CCSER1: variants seen among roughly 807,000 people sequenced by gnomAD.
CCSER1 encodes the protein coiled-coil serine rich protein 1.
In CCSER1, 41 loss-of-function variants were observed where a neutral mutation model predicts 82.0. That is an observed-to-expected ratio of 0.50 (90% CI 0.39 to 0.65). The LOEUF (loss-of-function observed/expected upper bound fraction) is 0.65, where lower values mean the gene tolerates loss of function less well. Ranked by LOEUF, CCSER1 falls within the 30% of genes least tolerant of loss-of-function variation. The pLI, the probability that CCSER1 is intolerant of heterozygous loss-of-function variation, is 0.00. For synonymous variants in CCSER1, 414 were observed against 383.9 expected, an observed-to-expected ratio of 1.08 and a Z score of -0.92; for missense variants, 1,119 against 1,064.2, an observed-to-expected ratio of 1.05 and a Z score of -0.72.
intron 8 of CCSER1, among the ~76,000 whole-genome samples, chr4:90,835,803 T>C (rs183745762): frequency 6.6e-6 from 1 of 152,360 alleles, no homozygotes; most frequent in Non-Finnish European, 1.5e-5. Context: ...TTTTATTCTA[T>C]GCAAGACATC....
At chr4:90,872,166 A>G (rs1355602983) in intron 8 of CCSER1, among the ~76,000 whole-genome samples, 3 of 151,610 alleles carry the variant, frequency 2.0e-5, no homozygotes, top group Admixed American at 2.0e-4. Context: ...ATTTGGATTC[A>G]ATGTTATTAA....
chr4:90,558,461 C>A (rs1187511843), intron 5 of CCSER1, among the ~76,000 whole-genome samples: 1 of 152,012 alleles, frequency 6.6e-6, no homozygotes. Flanking sequence ...GTCTCATCTG[C>A]TTGCTACCTA....
At chr4:91,182,397 A>G (rs987330969) in intron 10 of CCSER1, among the ~76,000 whole-genome samples, 2 of 152,190 alleles carry the variant, frequency 1.3e-5, no homozygotes, top group African/African-American at 4.8e-5. Flanking sequence ...TGGTTTCTGT[A>G]CGTGCTGTAC....
rs13137931 is a variant in CCSER1 at position 91,439,078 on chromosome 4, C to A, written c.2218-159494C>A. The stretch of plus-strand genomic sequence containing the variant: ...CTCTGCAGGATATTATCCAGGAGAA[C>A]TTCCCCAATCTAGCAAGGCACGCCA... On this transcript the variant is annotated intron_variant, in intron 10 of 10. Coordinates refer to ENST00000509176, the MANE Select transcript of CCSER1 (RefSeq NM_001145065.2). Among the ~76,000 whole-genome samples, 1,139 of 152,302 alleles carry A rather than the reference C, an allele frequency of 7.5e-3. 24 individuals are homozygous for A. The highest frequency in any genetic ancestry group is 0.026 in the African/African-American group (1,090 of 41,558).
chr4:91,295,269 C>A (rs1304874871), intron 10 of CCSER1, among the ~76,000 whole-genome samples: 2 of 151,812 alleles, frequency 1.3e-5, no homozygotes, highest in Admixed American at 1.3e-4. Context: ...CAAGTAAATG[C>A]AGTGGATCTT....
chr4:90,184,443 G>C (rs1278139218), intron 1 of CCSER1, among the ~76,000 whole-genome samples: 3 of 152,052 alleles, frequency 2.0e-5, no homozygotes, highest in Admixed American at 6.6e-5. Flanking sequence ...GTACCTAGGT[G>C]TCCATTAAAA....
chr4:90,135,551 A>T (rs998227038), intron 1 of CCSER1, among the ~76,000 whole-genome samples: 4 of 152,228 alleles, frequency 2.6e-5, no homozygotes, highest in African/African-American at 9.6e-5. Flanking sequence ...GATTTCCATG[A>T]TGCCAACTAC....
chr4:91,174,928 T>C (rs1233081276), intron 10 of CCSER1, among the ~76,000 whole-genome samples: 2 of 152,098 alleles, frequency 1.3e-5, no homozygotes, highest in East Asian at 3.9e-4. Context: ...ACACATTAAC[T>C]AGTCATTTAC....
At chr4:91,340,766 C>T (rs1400679021) in intron 10 of CCSER1, among the ~76,000 whole-genome samples, 1 of 152,106 alleles carries the variant, frequency 6.6e-6, no homozygotes, top group Non-Finnish European at 1.5e-5. Flanking sequence ...TTTAGGTTAT[C>T]TTTCCATTGC....
intron 7 of CCSER1, among the ~76,000 whole-genome samples, chr4:90,775,780 A>G (rs1460916553): frequency 2.0e-5 from 3 of 152,130 alleles, no homozygotes; most frequent in African/African-American, 7.2e-5. Context: ...GAGATTGGAT[A>G]TTTGGCACAG....
chr4:91,192,481 C>G (rs1027353485), intron 10 of CCSER1, among the ~76,000 whole-genome samples: 2 of 152,158 alleles, frequency 1.3e-5, no homozygotes, highest in African/African-American at 4.8e-5. Flanking sequence ...CCTGCTCCAC[C>G]TAGGAAATTA....
chr4:91,148,969 G>A (rs941297602), intron 10 of CCSER1, among the ~76,000 whole-genome samples: 25 of 152,076 alleles, frequency 1.6e-4, no homozygotes, highest in Non-Finnish European at 3.1e-4. Flanking sequence ...CTTTATAGCA[G>A]CATGATTTAT....
At chr4:91,096,779 T>C (rs1026246168) in intron 10 of CCSER1, among the ~76,000 whole-genome samples, 30 of 152,102 alleles carry the variant, frequency 2.0e-4, no homozygotes, top group African/African-American at 6.8e-4. Flanking sequence ...AATATCATGC[T>C]CACACCACAC....
intron 10 of CCSER1, among the ~76,000 whole-genome samples, chr4:91,328,817 AT>A: frequency 6.6e-6 from 1 of 152,260 alleles, no homozygotes; most frequent in East Asian, 1.9e-4. Context: ...AATTGTAATG[AT>A]CCCCACATGT....
intron 10 of CCSER1, among the ~76,000 whole-genome samples, chr4:91,381,441 C>T (rs569912092): frequency 6.6e-6 from 1 of 152,204 alleles, no homozygotes; most frequent in South Asian, 2.1e-4. Context: ...AGGCTTTGTT[C>T]ATTTATTTTT....
intron 10 of CCSER1, among the ~76,000 whole-genome samples, chr4:91,180,487 A>C (rs978548427): frequency 6.6e-6 from 1 of 152,146 alleles, no homozygotes; most frequent in Non-Finnish European, 1.5e-5. Context: ...CACTTTGTCT[A>C]CCTACTCAAG....
intron 8 of CCSER1, among the ~76,000 whole-genome samples, chr4:90,899,653 T>C (rs1724301806): frequency 6.6e-6 from 1 of 152,088 alleles, no homozygotes; most frequent in South Asian, 2.1e-4. Flanking sequence ...AGGGTTTTTA[T>C]CATGAAAGGA....
intron 10 of CCSER1, among the ~76,000 whole-genome samples, chr4:91,566,590 A>G (rs1419193499): frequency 6.6e-6 from 1 of 151,912 alleles, no homozygotes; most frequent in African/African-American, 2.4e-5. Context: ...TGTTCAGGGA[A>G]TCAATTTCTT....
intron 9 of CCSER1, among the ~76,000 whole-genome samples, chr4:90,991,579 T>C (rs931537727): frequency 6.6e-6 from 1 of 151,952 alleles, no homozygotes; most frequent in Admixed American, 6.6e-5. Flanking sequence ...GGCATTCTCC[T>C]CCCTGTGTTT....
Sources: gnomAD v4.1 joint callset for allele counts (sites outside exome capture counted in the v4.1 genomes callset) on GRCh38, gnomAD v4.1.1 for gene constraint, MANE v1.5 for transcripts, NCBI Gene and HGNC (gene_info 2026-07-23, HGNC 2026-07-21) for gene names.